The following RAB3C variants were observed in gnomAD, a reference collection of about 807,000 sequenced individuals.
RAB3C encodes the protein ras-related protein Rab-3C.
A neutral mutation model predicts 26.4 loss-of-function variants in RAB3C; 17 were observed. That is an observed-to-expected ratio of 0.64 (90% CI 0.44 to 0.97). The LOEUF is 0.97. Among genes scored for constraint, RAB3C ranks in the 50% least tolerant of loss-of-function variants. The probability of loss-of-function intolerance (pLI) is 0.00; values close to 1 mark genes in which losing one functional copy is unlikely to be tolerated. For missense variants in RAB3C, 242 were observed against 281.9 expected (o/e 0.86, Z 1.01); for synonymous variants, 91 against 95.9 (o/e 0.95, Z 0.30).
intron 1 of RAB3C, among the ~76,000 whole-genome samples, chr5:58,599,216 G>A (rs1034074865): frequency 1.3e-5 from 2 of 152,084 alleles, no homozygotes; most frequent in African/African-American, 4.8e-5. Flanking sequence ...CTGCATGCAC[G>A]TAACTTTAGA....
chr5:58,768,825 A>C (rs1475424093), intron 3 of RAB3C, among the ~76,000 whole-genome samples: 1 of 152,080 alleles, frequency 6.6e-6, no homozygotes, highest in Non-Finnish European at 1.5e-5. Context: ...AGCCACGGCT[A>C]TTCTGTGTGT....
chr5:58,744,839 G>T (rs988192984), intron 3 of RAB3C, among the ~76,000 whole-genome samples: 24 of 152,156 alleles, frequency 1.6e-4, no homozygotes, highest in Non-Finnish European at 1.5e-5. Context: ...GCTTGCAATT[G>T]AAGGGTTTTT....
At chr5:58,728,624 G>A (rs1195000135) in intron 3 of RAB3C, among the ~76,000 whole-genome samples, 1 of 151,948 alleles carries the variant, frequency 6.6e-6, no homozygotes, top group African/African-American at 2.4e-5. Context: ...GGGAGCACAT[G>A]TTAATCACCT....
At chr5:58,591,399 A>G (rs1245440514) in intron 1 of RAB3C, among the ~76,000 whole-genome samples, 1 of 151,756 alleles carries the variant, frequency 6.6e-6, no homozygotes, top group Non-Finnish European at 1.5e-5. Context: ...GAGTTTTTTC[A>G]TATATTTTGA....
rs115251524 is a variant in RAB3C, at chr5:58,806,964, G to C, written c.372-18074G>C. Among the ~76,000 whole-genome samples, 509 of 152,286 alleles carry C rather than the reference G, an allele frequency of 3.3e-3. 1 individual carries two copies. The highest frequency in any genetic ancestry group is 0.012 in the African/African-American group (479 of 41,548). On this transcript the variant is annotated intron_variant, in intron 3 of 4. Coordinates refer to ENST00000282878, the MANE Select transcript of RAB3C (RefSeq NM_138453.4). ...GGAAGGTAAGTGGTAGAATGCAGAGGTACCAACAGGGAGGAGGAATTGGAA... is the reference window on the plus strand; with the variant it reads ...GGAAGGTAAGTGGTAGAATGCAGAGCTACCAACAGGGAGGAGGAATTGGAA...
At chr5:58,800,364 C>T (rs1447671420) in intron 3 of RAB3C, among the ~76,000 whole-genome samples, 4 of 152,194 alleles carry the variant, frequency 2.6e-5, no homozygotes, top group Non-Finnish European at 5.9e-5. Context: ...GAGGGAAACG[C>T]TCACAGTAAG....
At chr5:58,679,901 G>A (rs1266289220) in intron 2 of RAB3C, among the ~76,000 whole-genome samples, 1 of 152,108 alleles carries the variant, frequency 6.6e-6, no homozygotes, top group Non-Finnish European at 1.5e-5. Flanking sequence ...GATTTTCAGT[G>A]CGGAAATGTG....
chr5:58,739,098 A>T (rs1741218937), intron 3 of RAB3C, among the ~76,000 whole-genome samples: 1 of 152,224 alleles, frequency 6.6e-6, no homozygotes, highest in Admixed American at 6.5e-5. Context: ...TCTGGGCTTT[A>T]AAAAATAACA....
At chr5:58,721,859 A>G (rs74513285) in intron 2 of RAB3C, among the ~76,000 whole-genome samples, 2,141 of 151,832 alleles carry the variant, frequency 0.014, 20 homozygotes, top group Non-Finnish European at 0.022. Flanking sequence ...ATTAGATTGT[A>G]TTTCTGGGTT....
At chr5:58,680,914 G>T (rs1748330520) in intron 2 of RAB3C, among the ~76,000 whole-genome samples, 1 of 152,116 alleles carries the variant, frequency 6.6e-6, no homozygotes, top group Non-Finnish European at 1.5e-5. Flanking sequence ...TCACTAAAGG[G>T]CTATTATTCA....
chr5:58,799,794 T>C (rs541374780), intron 3 of RAB3C, among the ~76,000 whole-genome samples: 2 of 152,186 alleles, frequency 1.3e-5, no homozygotes, highest in Non-Finnish European at 2.9e-5. Flanking sequence ...TCCTGACTTT[T>C]CATCATCTCA....
chr5:58,705,646 G>A (rs1748928901), intron 2 of RAB3C, among the ~76,000 whole-genome samples: 1 of 152,128 alleles, frequency 6.6e-6, no homozygotes, highest in African/African-American at 2.4e-5. Context: ...TGGAATAGAA[G>A]TAGATGATGC....
At chr5:58,786,756 A>G (rs1742393838) in intron 3 of RAB3C, among the ~76,000 whole-genome samples, 1 of 151,834 alleles carries the variant, frequency 6.6e-6, no homozygotes, top group Non-Finnish European at 1.5e-5. Context: ...GAAGTAAAGA[A>G]CATGATTCAG....
At chr5:58,798,904 T>G (rs6450492) in intron 3 of RAB3C, among the ~76,000 whole-genome samples, 11,398 of 152,204 alleles carry the variant, frequency 0.075, 1,464 homozygotes, top group African/African-American at 0.26. Context: ...ACAACTAGCT[T>G]GGACTATCCA....
intron 2 of RAB3C, among the ~76,000 whole-genome samples, chr5:58,669,154 C>G (rs1166610520): frequency 1.3e-5 from 2 of 152,124 alleles, no homozygotes; most frequent in South Asian, 2.1e-4. Flanking sequence ...TTTGGGGGGA[C>G]AAAATTTAGC....
At chr5:58,737,437 A>G (rs1470367493) in intron 3 of RAB3C, among the ~76,000 whole-genome samples, 2 of 82,320 alleles carry the variant, frequency 2.4e-5, no homozygotes, top group Non-Finnish European at 4.4e-5. Flanking sequence ...ATATATATAT[A>G]TATATATATA....
At chr5:58,601,679 T>A (rs1300646934) in intron 1 of RAB3C, among the ~76,000 whole-genome samples, 1 of 152,152 alleles carries the variant, frequency 6.6e-6, no homozygotes, top group Non-Finnish European at 1.5e-5. Context: ...TTCAGTGGTG[T>A]CAGCTGTAAT....
chr5:58,797,534 C>T (rs536434747), intron 3 of RAB3C, among the ~76,000 whole-genome samples: 83 of 151,730 alleles, frequency 5.5e-4, no homozygotes, highest in African/African-American at 1.6e-3. Flanking sequence ...AGCTGCCTCC[C>T]GTTGGAAAAG....
intron 3 of RAB3C, among the ~76,000 whole-genome samples, chr5:58,790,839 A>G (rs72762127): frequency 0.043 from 6,510 of 152,248 alleles, 221 homozygotes; most frequent in Middle Eastern, 0.071. Flanking sequence ...ATTGGCCCAC[A>G]TAACTGAAGG....
Sources: gnomAD v4.1 joint callset for allele counts (sites outside exome capture counted in the v4.1 genomes callset) on GRCh38, gnomAD v4.1.1 for gene constraint, MANE v1.5 for transcripts, NCBI Gene and HGNC (gene_info 2026-07-23, HGNC 2026-07-21) for gene names.